CAMKMT: variants seen among roughly 807,000 people sequenced by gnomAD.
CAMKMT encodes the protein CaM KMT.
In CAMKMT, 53 loss-of-function variants were observed where a neutral mutation model predicts 48.0. The observed-to-expected ratio is 1.10, with a 90% CI of 0.89 to 1.39. The LOEUF (loss-of-function observed/expected upper bound fraction) is 1.39. Ranked by LOEUF, CAMKMT falls within the 40% of genes most tolerant of loss-of-function variation. The pLI, the probability that CAMKMT is intolerant of heterozygous loss-of-function variation, is 0.00. For missense variants in CAMKMT, 428 were observed against 402.7 expected (o/e 1.06, Z -0.54); for synonymous variants, 165 against 152.3 (o/e 1.08, Z -0.61).
rs1174344846 is a variant in CAMKMT, at chr2:44,627,697, CTTTTTTTTTTT to C, written c.377-76566_377-76556del. Among the ~76,000 whole-genome samples, 18 of 75,096 alleles carry C rather than the reference CTTTTTTTTTTT, an allele frequency of 2.4e-4. No individual in the cohort carries two copies. The East Asian group carries it at 5.6e-3, about 23-fold the overall frequency. 49.3% of individuals were successfully genotyped at this position (75,096 alleles called of 152,430 possible). On this transcript the variant is annotated intron_variant, in intron 3 of 10. Coordinates refer to ENST00000378494, the MANE Select transcript of CAMKMT (RefSeq NM_024766.5). ...TTATTTATAATGGTCCCATTTTATC[CTTTTTTTTTTT>C]TTTTTTTTTTTTTTTTTTTGAGATG...
intron 3 of CAMKMT, among the ~76,000 whole-genome samples, chr2:44,556,357 T>C (rs1012375856): frequency 6.6e-6 from 1 of 152,002 alleles, no homozygotes; most frequent in African/African-American, 2.4e-5. Context: ...CAGGCTGTTC[T>C]TGAACTCCTG....
chr2:44,706,036 A>G (rs956768295), intron 4 of CAMKMT, among the ~76,000 whole-genome samples: 8 of 152,192 alleles, frequency 5.3e-5, no homozygotes, highest in African/African-American at 1.9e-4. Context: ...CAGATTTTTC[A>G]GCTCAGCGGT....
In CAMKMT at chr2:44,767,632, G is replaced by A. The variant is rs1232626392; in HGVS notation, c.894+1071G>A. On this transcript the variant is annotated intron_variant, in intron 10 of 10. Transcript: ENST00000378494. ...AGAGTTACATTACATCCTCTCACTGGTGGAGTCAGGCCCATTGCTCATGAT... is the reference window on the plus strand; with the variant it reads ...AGAGTTACATTACATCCTCTCACTGATGGAGTCAGGCCCATTGCTCATGAT... Among the ~76,000 whole-genome samples, 10 of 152,200 alleles carry A rather than the reference G, an allele frequency of 6.6e-5. 1 individual carries two copies. The highest frequency in any genetic ancestry group is 3.3e-4 in the Admixed American group (5 of 15,284).
At chr2:44,733,374 A>G (rs1176645922) in intron 7 of CAMKMT, among the ~76,000 whole-genome samples, 1 of 152,320 alleles carries the variant, frequency 6.6e-6, no homozygotes, top group East Asian at 1.9e-4. Context: ...TGATTCTTGT[A>G]CATTGATCTT....
rs1426877393 is a variant in CAMKMT at position 44,589,163 on chromosome 2, G to A, written c.377-115120G>A. 7.4e-5 allele frequency among the ~76,000 whole-genome samples: 4 copies of A among 54,026 alleles called. 1 individual carries two copies. The highest frequency in any genetic ancestry group is 1.2e-4 in the Non-Finnish European group (3 of 25,612). 35.4% of individuals were successfully genotyped at this position (54,026 alleles called of 152,430 possible). A position where few individuals can be genotyped will look rare whatever the true frequency, so the allele number is the denominator to read the frequency against. Reference sequence around the variant, plus strand: ...GGGTCAGCCCCCCGCCTGGCCAGCCGCCCTATCCAGGAGGTGAGGGGCGCC... The same window carrying A: ...GGGTCAGCCCCCCGCCTGGCCAGCCACCCTATCCAGGAGGTGAGGGGCGCC... On this transcript the variant is annotated intron_variant, in intron 3 of 10. Transcript: ENST00000378494.
chr2:44,364,917 A>C (rs575770015), intron 1 of CAMKMT, among the ~76,000 whole-genome samples: 16 of 152,282 alleles, frequency 1.1e-4, no homozygotes, highest in Admixed American at 7.2e-4. Context: ...TCATGTGTTT[A>C]TTTCCTATTG....
intron 3 of CAMKMT, among the ~76,000 whole-genome samples, chr2:44,521,381 C>T (rs59560680): frequency 0.053 from 8,128 of 152,090 alleles, 571 homozygotes; most frequent in East Asian, 0.35. Flanking sequence ...CAGGTTCAAG[C>T]GATTCCTGTG....
chr2:44,457,287 T>C (rs1667613786), intron 3 of CAMKMT: 1 of 152,212 alleles, frequency 6.6e-6, no homozygotes, highest in African/African-American at 2.4e-5. Flanking sequence ...ACTCTTTTGT[T>C]TTTTGGTTAA....
intron 3 of CAMKMT, among the ~76,000 whole-genome samples, chr2:44,674,126 C>T (rs904856441): frequency 9.2e-5 from 14 of 152,214 alleles, no homozygotes; most frequent in Admixed American, 4.6e-4. Flanking sequence ...CTAAATTTGA[C>T]GTTCCTGTCC....
chr2:44,656,619 C>G (rs574343877), intron 3 of CAMKMT, among the ~76,000 whole-genome samples: 18 of 152,230 alleles, frequency 1.2e-4, no homozygotes, highest in South Asian at 4.1e-4. Context: ...TCCACTATGA[C>G]AGTCGCTCTG....
intron 3 of CAMKMT, among the ~76,000 whole-genome samples, chr2:44,479,584 G>T (rs1668863979): frequency 6.6e-6 from 1 of 152,166 alleles, no homozygotes; most frequent in Non-Finnish European, 1.5e-5. Context: ...CCCAGTAGAG[G>T]GTACTGCTGA....
At chr2:44,422,421 A>G (rs935586627) in intron 3 of CAMKMT, among the ~76,000 whole-genome samples, 3 of 152,182 alleles carry the variant, frequency 2.0e-5, no homozygotes, top group East Asian at 3.9e-4. Context: ...GGCAATTCTC[A>G]GAACCTGGGA....
chr2:44,428,534 G>C (rs1220177889), intron 3 of CAMKMT, among the ~76,000 whole-genome samples: 2 of 152,200 alleles, frequency 1.3e-5, no homozygotes, highest in African/African-American at 4.8e-5. Context: ...CCAGGCTCGA[G>C]GGTGGAACCC....
chr2:44,765,057 G>A (rs749784259), intron 9 of CAMKMT, among the ~76,000 whole-genome samples: 1 of 151,710 alleles, frequency 6.6e-6, no homozygotes, highest in South Asian at 2.1e-4. Flanking sequence ...ACCCCATCTC[G>A]ACTAAAAATA....
chr2:44,675,719 G>T (rs911849931), intron 3 of CAMKMT, among the ~76,000 whole-genome samples: 1 of 151,996 alleles, frequency 6.6e-6, no homozygotes, highest in Admixed American at 6.6e-5. Context: ...ACAGTTCAGT[G>T]GTATTAATTA....
chr2:44,373,513 G>A (rs1679382958), intron 2 of CAMKMT, among the ~76,000 whole-genome samples: 1 of 152,138 alleles, frequency 6.6e-6, no homozygotes, highest in African/African-American at 2.4e-5. Flanking sequence ...GTAGGTGTTT[G>A]ATTTTATAAA....
chr2:44,608,063 T>C (rs1253210783), intron 3 of CAMKMT, among the ~76,000 whole-genome samples: 2 of 144,596 alleles, frequency 1.4e-5, no homozygotes, highest in Non-Finnish European at 3.0e-5. Context: ...ATTTAAAATA[T>C]ATTTTCCTTT....
chr2:44,394,184 C>T (rs1008622893), intron 3 of CAMKMT, among the ~76,000 whole-genome samples: 2 of 151,970 alleles, frequency 1.3e-5, no homozygotes, highest in Non-Finnish European at 2.9e-5. Flanking sequence ...TAAATCATTT[C>T]AGTAATATCA....
At chr2:44,498,823 C>T (rs192247943) in intron 3 of CAMKMT, among the ~76,000 whole-genome samples, 1 of 152,180 alleles carries the variant, frequency 6.6e-6, no homozygotes, top group African/African-American at 2.4e-5. Flanking sequence ...AATTATTGGC[C>T]AATATTCCCA....
Sources: allele counts gnomAD v4.1 joint callset (sites outside exome capture counted in the v4.1 genomes callset), GRCh38; gene constraint gnomAD v4.1.1; transcripts MANE v1.5; gene names NCBI Gene and HGNC (gene_info 2026-07-23, HGNC 2026-07-21).